Variants in BIRC3 observed in about 807,000 individuals in gnomAD.
The protein encoded by BIRC3 is baculoviral IAP repeat containing 3, also known as baculoviral IAP repeat-containing protein 3.
In BIRC3, 26 loss-of-function variants were observed where a neutral mutation model predicts 59.0. The observed-to-expected ratio is 0.44, with a 90% confidence interval of 0.32 to 0.61. The LOEUF is 0.61. Ranked by LOEUF, BIRC3 falls within the 20% of genes least tolerant of loss-of-function variation. BIRC3 has a pLI of 0.04. For synonymous variants in BIRC3, 243 were observed against 249.2 expected (o/e 0.98, Z 0.24); for missense variants, 641 against 711.5 (o/e 0.90, Z 1.13).
At position 102,324,630 on chromosome 11, in the gene BIRC3, G is replaced by T. The variant is rs777182261; in HGVS notation, c.121G>T (p.Ala41Ser). 3 of 1,614,112 alleles carry T rather than the reference G, an allele frequency of 1.9e-6. No homozygotes were observed. Among genetic ancestry groups the T allele is most frequent in the Non-Finnish European group, 1.7e-6 (2 of 1,179,998 alleles). ...AATGTCTACGTATTCCACTTTTCCTGCTGGGGTTCCTGTCTCAGAAAGGAG... is the reference window on the plus strand; with the variant it reads ...AATGTCTACGTATTCCACTTTTCCTTCTGGGGTTCCTGTCTCAGAAAGGAG... ...YRMSTYSTFP[A>S]GVPVSERSLA... Residue 41 changes from alanine to serine, a missense_variant, in exon 2 of 9, where the codon GCT becomes TCT. By Grantham distance (99) the Ala-to-Ser change is moderately conservative (BLOSUM62 1). Transcript: ENST00000263464.
chr11:102,336,705 T>C (rs1230507927), intron 7 of BIRC3, 55 bp from the exon 8 acceptor site: 4 of 1,514,558 alleles, frequency 2.6e-6, no homozygotes, highest in Admixed American at 1.9e-5. Flanking sequence ...ATAGATTCCA[T>C]AGCTAAATAT....
chr11:102,332,734 A>T (rs1951156534), intron 6 of BIRC3, among the ~76,000 whole-genome samples: 1 of 152,204 alleles, frequency 6.6e-6, no homozygotes, highest in African/African-American at 2.4e-5. Context: ...ATCAGACCAT[A>T]GTGATATAGC....
In BIRC3 at chr11:102,327,666, A is replaced by C. The variant is rs1951098127; in HGVS notation, c.954-386A>C. On this transcript the variant is annotated intron_variant, in intron 3 of 8. Transcript: ENST00000263464. ...AAAAAAAAAAATTAGCAGAAGCATA[A>C]TGTATCTTGGCAAATATAAAAATAT... Among the ~76,000 whole-genome samples, 4 of 152,118 alleles carry C rather than the reference A, an allele frequency of 2.6e-5. No homozygotes were observed. In the South Asian group the frequency reaches 6.2e-4, roughly 24 times the overall value.
chr11:102,317,620 TG>T (rs1950982879), intron 1 of BIRC3, 49 bp downstream of exon 1: 3 of 153,236 alleles, frequency 2.0e-5, no homozygotes, highest in African/African-American at 7.2e-5. Flanking sequence ...CGTGTGTGTG[TG>T]TGTATGTGTG....
At chr11:102,334,447 A>G (rs932248642) in intron 6 of BIRC3, among the ~76,000 whole-genome samples, 1 of 152,180 alleles carries the variant, frequency 6.6e-6, no homozygotes, top group Admixed American at 6.5e-5. Context: ...CTTTTTGACT[A>G]AGCATCATCT....
rs1191983510 is a variant in BIRC3 at position 102,324,573 on chromosome 11, C to T, written c.64C>T (p.Leu22=). The change falls in exon 2 of 9, where the codon CTG becomes TTG. Residue 22 remains leucine (L), a synonymous_variant. Transcript: ENST00000263464. ...NLMKSANTFE[L]KYDLSCELYR... ...GATGAAAAGCGCCAACACGTTTGAA[C>T]TGAAATACGACTTGTCATGTGAACT... 1.9e-6 allele frequency: 3 copies of T among 1,614,088 alleles called. No homozygotes were observed. The highest frequency in any genetic ancestry group is 2.2e-5 in the East Asian group (1 of 44,880).
At position 102,338,121 on chromosome 11, in the gene BIRC3, T is replaced by C. The variant is rs916523089; in HGVS notation, c.*1019T>C. On this transcript the variant is annotated 3_prime_UTR_variant, in exon 9 of 9. Transcript: ENST00000263464. ...TGTTCTGGTAAATAAATCTGTTTCA[T>C]ATTGTCAGTGCAACAAAATGTCCCC... 1 of 228,374 alleles carries C rather than the reference T, an allele frequency of 4.4e-6. No homozygotes were observed. The highest frequency in any genetic ancestry group is 8.7e-6 in the Non-Finnish European group (1 of 115,094). The allele number at this position is 228,374 out of a possible 1,614,324, so 14.1% of individuals were successfully genotyped here. A position where few individuals can be genotyped will look rare whatever the true frequency, so the allele number is the denominator to read the frequency against.
At position 102,328,932 on chromosome 11, in the gene BIRC3, T is replaced by G. The variant is rs555493036; in HGVS notation, c.1068T>G (p.Asn356Lys). Residue 356 changes from asparagine to lysine, a missense_variant, in exon 5 of 9, where the codon AAT becomes AAG. Transcript: ENST00000263464. ...LSTSDSPGDE[N>K]AESSIIHFEP... ...CATCAGACAGCCCAGGAGATGAAAA[T>G]GCAGAGTCATCAAGTAAGTACAATG... The G allele has an allele frequency of 6.9e-7, 1 of 1,449,990 alleles. No individual in the cohort carries two copies. The highest frequency in any genetic ancestry group is 9.1e-7 in the Non-Finnish European group (1 of 1,101,370). The allele number at this position is 1,449,990 out of a possible 1,614,324, so 89.8% of individuals were successfully genotyped here.
intron 1 of BIRC3, among the ~76,000 whole-genome samples, chr11:102,318,521 C>A (rs1177967952): frequency 6.6e-6 from 1 of 152,184 alleles, no homozygotes; most frequent in Non-Finnish European, 1.5e-5. Context: ...AGGGCAGGTA[C>A]AGAGATGAAA....
chr11:102,327,758 A>G (rs1951099104), intron 3 of BIRC3, among the ~76,000 whole-genome samples: 1 of 152,236 alleles, frequency 6.6e-6, no homozygotes, highest in Non-Finnish European at 1.5e-5. Context: ...TTACAAAACA[A>G]TTAAAAATTC....
rs17883841 is a variant in BIRC3 at position 102,335,637 on chromosome 11, CATTATTATT to C, written c.1325-317_1325-309del. On this transcript the variant is annotated intron_variant, in intron 6 of 8. Coordinates refer to ENST00000263464, the MANE Select transcript of BIRC3 (RefSeq NM_001165.5). ...AAATGTTAGTCCTTACTATAAGTAG[CATTATTATT>C]ATTATTATTATATTTTTTTAAGACA... is the stretch of plus-strand genomic sequence containing the variant. Among the ~76,000 whole-genome samples, 4 of 151,858 alleles carry C rather than the reference CATTATTATT, an allele frequency of 2.6e-5. No homozygotes were observed. The East Asian group carries it at 7.7e-4, about 29-fold the overall frequency.
intron 6 of BIRC3, among the ~76,000 whole-genome samples, chr11:102,333,698 A>T (rs917050809): frequency 6.6e-6 from 1 of 152,176 alleles, no homozygotes; most frequent in Admixed American, 6.5e-5. Context: ...GTGAGCTGAG[A>T]TCGCACCGCT....
In BIRC3 at chr11:102,324,918, T is replaced by A. The variant is rs775169948; in HGVS notation, c.409T>A (p.Ser137Thr). The change falls in exon 2 of 9, where the codon TCT becomes ACT. Residue 137 changes from serine to threonine, a missense_variant. Around this residue, in one of 4 missense-constraint regions of BIRC3, gnomAD observed 329 missense variants for 365.6 expected, o/e 0.90. Transcript: ENST00000263464. ...AGAAAACAGTGGATATTTCCGTGGC[T>A]CTTATTCAAACTCTCCATCAAATCC... ...GTENSGYFRG[S>T]YSNSPSNPVN... The A allele has an allele frequency of 6.2e-7, 1 of 1,614,226 alleles. No individual in the cohort carries two copies. Among genetic ancestry groups the A allele is most frequent in the Non-Finnish European group, 8.5e-7 (1 of 1,180,036 alleles).
intron 6 of BIRC3, 99 bp from the exon 7 acceptor site, chr11:102,335,867 G>T (rs989576787): frequency 4.0e-6 from 5 of 1,263,668 alleles, no homozygotes; most frequent in Admixed American, 4.7e-5. Context: ...TACTGATTAC[G>T]AATTAAAGAT....
intron 1 of BIRC3, among the ~76,000 whole-genome samples, chr11:102,319,228 A>G (rs1424168465): frequency 6.9e-6 from 1 of 145,850 alleles, no homozygotes. Flanking sequence ...TATTTTTTTT[A>G]GTAGAGACGG....
chr11:102,319,009 T>C (rs1051884479), intron 1 of BIRC3, among the ~76,000 whole-genome samples: 26 of 151,614 alleles, frequency 1.7e-4, no homozygotes, highest in Non-Finnish European at 3.5e-4. Flanking sequence ...TGATACAGGG[T>C]AGTTGCTAGA....
chr11:102,338,450 G>C lies in BIRC3; in HGVS notation c.*1348G>C, dbSNP rs1383005014. 1 of 229,094 alleles carries C rather than the reference G, an allele frequency of 4.4e-6. No individual in the cohort carries two copies. Among genetic ancestry groups the C allele is most frequent in the Non-Finnish European group, 8.7e-6 (1 of 115,534 alleles). The allele number at this position is 229,094 out of a possible 1,614,324, so 14.2% of individuals were successfully genotyped here. ...AATCACAGATTTACATCACCGGGGA[G>C]CCTTCGTAATGAAGATCCAAAATTA... On this transcript the variant is annotated 3_prime_UTR_variant, in exon 9 of 9. Transcript: ENST00000263464.
intron 3 of BIRC3, chr11:102,326,658 G>T (rs1951083970): frequency 2.2e-6 from 1 of 452,142 alleles, no homozygotes; most frequent in Admixed American, 2.4e-5. Context: ...AATGGGAAAT[G>T]GGTTAATATC....
rs1366025010 is a variant in BIRC3, at chr11:102,337,748, T to C, written c.*646T>C. On this transcript the variant is annotated 3_prime_UTR_variant, in exon 9 of 9. Coordinates refer to ENST00000263464, the MANE Select transcript of BIRC3 (RefSeq NM_001165.5). ...AAATTACTCTTATTCTTCATTGCTT[T>C]ATTTCAATGACATTGGATAGTTTAG... 1.6e-5 allele frequency: 4 copies of C among 246,250 alleles called. No individual in the cohort carries two copies. The highest frequency in any genetic ancestry group is 3.1e-5 in the Non-Finnish European group (4 of 127,674). The allele number at this position is 246,250 out of a possible 1,614,324, so 15.3% of individuals were successfully genotyped here.
Sources: allele counts gnomAD v4.1 joint callset (sites outside exome capture counted in the v4.1 genomes callset), GRCh38; gene constraint gnomAD v4.1.1; regional missense constraint gnomAD v4.1.1; transcripts MANE v1.5; gene names NCBI Gene and HGNC (gene_info 2026-07-23, HGNC 2026-07-21).